Variants in PHF21A observed in about 807,000 individuals in gnomAD.
PHF21A encodes BHC80a.
A neutral mutation model predicts 82.5 loss-of-function variants in PHF21A; 11 were observed. The observed-to-expected ratio is 0.13, with a 90% confidence interval of 0.08 to 0.22. The LOEUF is 0.22. PHF21A is among the 10% of genes least tolerant of loss of function. The pLI is 1.00. For missense variants in PHF21A, 579 were observed against 837.8 expected, an observed-to-expected ratio of 0.69 and a Z score of 3.81; for synonymous variants, 297 against 302.8, an observed-to-expected ratio of 0.98 and a Z score of 0.20.
Position 46,119,343 on chromosome 11 carries a change from A to G in PHF21A, c.-237+1592T>C, listed in dbSNP as rs192668534. Among the ~76,000 whole-genome samples, 349 of 152,322 alleles carry G rather than the reference A, an allele frequency of 2.3e-3. 1 individual carries two copies. The highest frequency in any genetic ancestry group is 7.8e-3 in the African/African-American group (326 of 41,566). On this transcript the variant is annotated intron_variant, in intron 1 of 18. Coordinates refer to ENST00000676320, the MANE Select transcript of PHF21A (RefSeq NM_001352027.3). ...CAAGGCCAGGTGATGAGGCCCACAC[A>G]TGCCCGGACCTTCACTCAGATTTGA...
chr11:46,047,564 A>G (rs2096275764), intron 6 of PHF21A, among the ~76,000 whole-genome samples: 1 of 152,232 alleles, frequency 6.6e-6, no homozygotes, highest in Non-Finnish European at 1.5e-5. Context: ...GAGAAGGTGA[A>G]TGACTTTTCT....
intron 3 of PHF21A, among the ~76,000 whole-genome samples, chr11:46,089,841 ATC>A (rs1422050292): frequency 6.6e-6 from 1 of 151,122 alleles, no homozygotes; most frequent in Non-Finnish European, 1.5e-5. Flanking sequence ...TAAAAAAGGA[ATC>A]TCTACACAGG....
At chr11:46,050,687 T>G (rs961848277) in intron 6 of PHF21A, among the ~76,000 whole-genome samples, 17 of 152,196 alleles carry the variant, frequency 1.1e-4, no homozygotes, top group Non-Finnish European at 2.4e-4. Flanking sequence ...AATTTACAAT[T>G]TTTAATTACT....
intron 6 of PHF21A, among the ~76,000 whole-genome samples, chr11:46,062,916 G>C (rs2096553034): frequency 6.6e-6 from 1 of 152,154 alleles, no homozygotes; most frequent in African/African-American, 2.4e-5. Flanking sequence ...GTTACAAAAA[G>C]CAGACCAGTG....
At position 45,931,781 on chromosome 11, in the gene PHF21A, A is replaced by C. The variant is rs1255717160; in HGVS notation, c.*2187T>G. 1 of 152,420 alleles carries C rather than the reference A, an allele frequency of 6.6e-6. No individual in the cohort carries two copies. Among genetic ancestry groups the C allele is most frequent in the Non-Finnish European group, 1.5e-5 (1 of 68,190 alleles). The allele number at this position is 152,420 out of a possible 1,614,324, so 9.4% of individuals were successfully genotyped here. ...AGCCTCCACCGCCCTCCCATCGGCC[A>C]GGGGCACGCAAGGGGCAAAGGTCTC... On this transcript the variant is annotated 3_prime_UTR_variant, in exon 19 of 19. Transcript: ENST00000676320.
At chr11:46,111,138 C>T (rs934618302) in intron 1 of PHF21A, among the ~76,000 whole-genome samples, 6 of 150,670 alleles carry the variant, frequency 4.0e-5, no homozygotes, top group African/African-American at 1.5e-4. Flanking sequence ...AGTATTATTA[C>T]AGCAGATTGG....
At position 45,931,312 on chromosome 11, in the gene PHF21A, TTGAGGGGAAGAGC is replaced by T. The variant is rs2087640762; in HGVS notation, c.*2643_*2655del. On this transcript the variant is annotated 3_prime_UTR_variant, in exon 19 of 19. Transcript: ENST00000676320. Reference sequence around the variant, plus strand: ...CAACCCCCAGATGGGCCCAGACAAGTTGAGGGGAAGAGCTCTAGACAGGGCAGACAGCCTGCTG... The same window carrying T: ...CAACCCCCAGATGGGCCCAGACAAGTTCTAGACAGGGCAGACAGCCTGCTG... The T allele has an allele frequency of 6.6e-6, 1 of 152,208 alleles. No homozygotes were observed. Among genetic ancestry groups the T allele is most frequent in the Non-Finnish European group, 1.5e-5 (1 of 68,062 alleles). 9.4% of individuals were successfully genotyped at this position (152,208 alleles called of 1,614,324 possible).
At chr11:46,064,201 G>A (rs544171267) in intron 6 of PHF21A, among the ~76,000 whole-genome samples, 1 of 152,228 alleles carries the variant, frequency 6.6e-6, no homozygotes, top group South Asian at 2.1e-4. Context: ...ACTGTTCATA[G>A]GGAAAATTAA....
intron 4 of PHF21A, 136 bp downstream of exon 4, chr11:46,084,030 A>T: frequency 1.8e-6 from 1 of 560,848 alleles, no homozygotes; most frequent in East Asian, 3.4e-5. Context: ...TAGTGGTAAA[A>T]GGCAAACGAC....
chr11:45,998,614 G>A (rs7947815), intron 6 of PHF21A, among the ~76,000 whole-genome samples: 49,864 of 151,058 alleles, frequency 0.33, 9,267 homozygotes, highest in East Asian at 0.8. Context: ...CCAGGTTCAA[G>A]TGATTCTCCT....
chr11:45,947,868 C>A (rs568106137), intron 14 of PHF21A, among the ~76,000 whole-genome samples: 1 of 152,274 alleles, frequency 6.6e-6, no homozygotes, highest in Admixed American at 6.5e-5. Flanking sequence ...GGTTTCCCAT[C>A]TAAATATTTT....
chr11:46,111,769 A>T (rs1362912190), intron 1 of PHF21A, among the ~76,000 whole-genome samples: 1 of 152,234 alleles, frequency 6.6e-6, no homozygotes, highest in East Asian at 1.9e-4. Flanking sequence ...GCCTAAAAGA[A>T]GTCAGTGTCC....
At chr11:45,956,940 C>T (rs1435407561) in intron 10 of PHF21A, among the ~76,000 whole-genome samples, 1 of 151,946 alleles carries the variant, frequency 6.6e-6, no homozygotes, top group Non-Finnish European at 1.5e-5. Flanking sequence ...GAAAAAGACA[C>T]AAAAAGGTTG....
chr11:46,113,908 C>T (rs922763414), intron 1 of PHF21A, among the ~76,000 whole-genome samples: 1 of 150,382 alleles, frequency 6.6e-6, no homozygotes, highest in Admixed American at 6.6e-5. Context: ...AATAATTTTT[C>T]TTGAAGAAAA....
intron 15 of PHF21A, among the ~76,000 whole-genome samples, chr11:45,943,679 G>A (rs1001024136): frequency 1.3e-5 from 2 of 152,174 alleles, no homozygotes; most frequent in African/African-American, 2.4e-5. Flanking sequence ...TTAGATAACA[G>A]TTTGTTGGGA....
chr11:46,116,276 T>C (rs372531905), intron 1 of PHF21A, among the ~76,000 whole-genome samples: 161 of 152,344 alleles, frequency 1.1e-3, no homozygotes, highest in African/African-American at 3.2e-3. Context: ...AAATGATATA[T>C]CCATATATAC....
At chr11:46,018,716 T>A (rs1484134297) in intron 6 of PHF21A, among the ~76,000 whole-genome samples, 2 of 152,226 alleles carry the variant, frequency 1.3e-5, no homozygotes, top group Non-Finnish European at 2.9e-5. Flanking sequence ...AACACATTTT[T>A]TTTTTTAAAT....
chr11:46,058,499 T>G (rs1171728025), intron 6 of PHF21A, among the ~76,000 whole-genome samples: 2 of 152,248 alleles, frequency 1.3e-5, no homozygotes, highest in Non-Finnish European at 2.9e-5. Context: ...AGGAAGTGCC[T>G]GATAATTATT....
intron 9 of PHF21A, among the ~76,000 whole-genome samples, chr11:45,967,160 G>C (rs1591372911): frequency 6.6e-6 from 1 of 152,254 alleles, no homozygotes; most frequent in East Asian, 1.9e-4. Context: ...CTTGAGGCCA[G>C]GAGTTTGAGA....
Sources: allele counts gnomAD v4.1 joint callset (sites outside exome capture counted in the v4.1 genomes callset), GRCh38; gene constraint gnomAD v4.1.1; transcripts MANE v1.5; gene names NCBI Gene and HGNC (gene_info 2026-07-23, HGNC 2026-07-21).